The following CCDC81 variants were observed in gnomAD, a reference collection of about 807,000 sequenced individuals.
CCDC81 encodes the protein coiled-coil domain containing 81, also known as coiled-coil domain-containing protein 81.
In CCDC81, 79 loss-of-function variants were observed where a neutral mutation model predicts 83.7. The ratio of observed to expected loss-of-function variants is 0.94; its 90% CI spans 0.79 to 1.14. The LOEUF (loss-of-function observed/expected upper bound fraction) is 1.14. Ranked by LOEUF, CCDC81 falls within the 50% of genes most tolerant of loss-of-function variation. CCDC81 has a pLI of 0.00. For synonymous variants in CCDC81, 252 were observed against 278.1 expected (o/e 0.91, Z 0.93); for missense variants, 791 against 778.1 (o/e 1.02, Z -0.20).
At chr11:86,400,283 T>G (rs372266985) in intron 6 of CCDC81, among the ~76,000 whole-genome samples, 2 of 152,206 alleles carry the variant, frequency 1.3e-5, no homozygotes, top group South Asian at 4.1e-4. Context: ...AGCTCTCACT[T>G]TTTTGTTTGT....
At chr11:86,380,595 T>G (rs1293441028) in intron 1 of CCDC81, among the ~76,000 whole-genome samples, 1 of 152,210 alleles carries the variant, frequency 6.6e-6, no homozygotes, top group Non-Finnish European at 1.5e-5. Context: ...CTTCTGTAGT[T>G]GCCTCACAAT....
chr11:86,413,271 GC>G (rs1948671146), intron 11 of CCDC81, among the ~76,000 whole-genome samples: 1 of 146,168 alleles, frequency 6.8e-6, no homozygotes, highest in African/African-American at 2.5e-5. Context: ...TCGACGTCCA[GC>G]CGCTTGTGTG....
chr11:86,405,483 T>C (rs1948552276), intron 7 of CCDC81, among the ~76,000 whole-genome samples: 1 of 152,236 alleles, frequency 6.6e-6, no homozygotes, highest in Admixed American at 6.5e-5. Flanking sequence ...AACCTATCTT[T>C]ACTGTCTTAT....
chr11:86,394,404 G>A (rs1408356329), intron 4 of CCDC81, among the ~76,000 whole-genome samples: 3 of 152,230 alleles, frequency 2.0e-5, no homozygotes, highest in Non-Finnish European at 4.4e-5. Flanking sequence ...ACATCAGCAT[G>A]TTAAAGGAGC....
chr11:86,405,750 C>T (rs1011281453), intron 7 of CCDC81, among the ~76,000 whole-genome samples: 1 of 150,928 alleles, frequency 6.6e-6, no homozygotes, highest in Middle Eastern at 3.2e-3. Flanking sequence ...ACATGTTTTA[C>T]CAATTTCTTT....
chr11:86,397,172 A>G (rs944973072), intron 5 of CCDC81, among the ~76,000 whole-genome samples: 1 of 151,954 alleles, frequency 6.6e-6, no homozygotes, highest in Non-Finnish European at 1.5e-5. Flanking sequence ...GCCTGGGGAG[A>G]GAATGATGAA....
intron 11 of CCDC81, among the ~76,000 whole-genome samples, chr11:86,414,039 T>C (rs527281944): frequency 6.6e-6 from 1 of 152,362 alleles, no homozygotes; most frequent in African/African-American, 2.4e-5. Flanking sequence ...TGAAAGATCA[T>C]ATATGGGTTC....
At chr11:86,385,934 G>T in intron 1 of CCDC81, 117 bp from the exon 2 acceptor site, 1 of 425,022 alleles carries the variant, frequency 2.4e-6, no homozygotes, top group Non-Finnish European at 4.3e-6. Flanking sequence ...AATTAATCAG[G>T]AATTAATGTC....
intron 1 of CCDC81, among the ~76,000 whole-genome samples, chr11:86,382,642 G>A (rs775885537): frequency 1.3e-4 from 20 of 152,094 alleles, no homozygotes; most frequent in Non-Finnish European, 1.0e-4. Context: ...TAAACATTTG[G>A]GAATCATCCT....
chr11:86,395,814 G>A (rs932378564), intron 5 of CCDC81, among the ~76,000 whole-genome samples: 1 of 152,100 alleles, frequency 6.6e-6, no homozygotes, highest in African/African-American at 2.4e-5. Flanking sequence ...GTAGAGATGA[G>A]GTTTCACCAT....
intron 1 of CCDC81, among the ~76,000 whole-genome samples, chr11:86,379,938 A>T (rs1948154128): frequency 6.6e-6 from 1 of 152,092 alleles, no homozygotes; most frequent in Admixed American, 6.6e-5. Flanking sequence ...GTGAGCCAAG[A>T]CTGCACCGTT....
chr11:86,412,139 T>C (rs1948651252), intron 10 of CCDC81, among the ~76,000 whole-genome samples: 2 of 152,218 alleles, frequency 1.3e-5, no homozygotes, highest in Admixed American at 6.5e-5. Context: ...GTCTCAGTGA[T>C]TGGCTTTCTG....
Position 86,418,941 on chromosome 11 carries a change from T to C in CCDC81, c.1692-987T>C, listed in dbSNP as rs956990627. The C allele has an allele frequency of 3.9e-5, 6 of 152,200 alleles. 1 individual carries two copies. The highest frequency in any genetic ancestry group is 2.6e-4 in the Admixed American group (4 of 15,274). 9.4% of individuals were successfully genotyped at this position (152,200 alleles called of 1,614,324 possible). Reference sequence around the variant, plus strand: ...AAAAGTAATAGGTACTCTTCAGTCATTGAGCTCCAGTTACATGATAGGCAC... The same window carrying C: ...AAAAGTAATAGGTACTCTTCAGTCACTGAGCTCCAGTTACATGATAGGCAC... On this transcript the variant is annotated intron_variant, in intron 13 of 14. Coordinates refer to ENST00000445632, the MANE Select transcript of CCDC81 (RefSeq NM_001156474.2).
chr11:86,392,555 G>A lies in CCDC81; in HGVS notation c.313G>A (p.Val105Ile), dbSNP rs1403287205. 5 of 1,551,036 alleles carry A rather than the reference G, an allele frequency of 3.2e-6. No individual in the cohort carries two copies. The African/African-American group carries it at 6.8e-5, about 21-fold the overall frequency. ...TTCTCCTTTAGGTGAAATCCCAATT[G>A]TTCCACTTAATTTTGTCATGATATC... is the stretch of plus-strand genomic sequence containing the variant. ...KVYTPGEIPIVPLNFVMISLE... is the reference protein window; with the variant it reads ...KVYTPGEIPIIPLNFVMISLE... The change falls in exon 4 of 15, where the codon GTT becomes ATT. Residue 105 changes from valine (V) to isoleucine (I), a missense_variant. By Grantham distance (29) the Val-to-Ile change is conservative. Coordinates refer to ENST00000445632, the MANE Select transcript of CCDC81 (RefSeq NM_001156474.2).
In CCDC81 at chr11:86,412,838, G is replaced by T. The variant is rs2138536666; in HGVS notation, c.1391+279G>T. Among the ~76,000 whole-genome samples, 3 of 152,296 alleles carry T rather than the reference G, an allele frequency of 2.0e-5. No homozygotes were observed. The South Asian group carries it at 6.2e-4, about 32-fold the overall frequency. On this transcript the variant is annotated intron_variant, in intron 11 of 14. Transcript: ENST00000445632. The stretch of plus-strand genomic sequence containing the variant: ...GCTGTGGGGCTCTGGCCACACGGCA[G>T]TATCTAGGGGTGAATGTTTACAGCT...
chr11:86,378,412 T>C (rs769679925), intron 1 of CCDC81, among the ~76,000 whole-genome samples: 35 of 152,310 alleles, frequency 2.3e-4, no homozygotes, highest in South Asian at 1.0e-3. Context: ...TGGTGAATGT[T>C]CCATGTGAGC....
rs962923667 is a variant in CCDC81 at position 86,408,255 on chromosome 11, T to G, written c.1098T>G (p.Ala366=). The change falls in exon 9 of 15, where the codon GCT becomes GCG. Residue 366 remains alanine (A), a synonymous_variant. Coordinates refer to ENST00000445632, the MANE Select transcript of CCDC81 (RefSeq NM_001156474.2). ...QQYQMLKDQE[A]LFRHQMKSLA... The stretch of plus-strand genomic sequence containing the variant: ...ATCAGATGTTAAAGGATCAGGAGGC[T>G]CTCTTCAGACACCAGGTAGTCCAAC... The G allele has an allele frequency of 6.2e-7, 1 of 1,612,540 alleles. No individual in the cohort carries two copies. Among genetic ancestry groups the G allele is most frequent in the Non-Finnish European group, 8.5e-7 (1 of 1,179,526 alleles).
intron 10 of CCDC81, among the ~76,000 whole-genome samples, chr11:86,411,875 C>T (rs1483451612): frequency 6.6e-6 from 1 of 152,176 alleles, no homozygotes; most frequent in Non-Finnish European, 1.5e-5. Context: ...AAAAGAACCA[C>T]TAGGCCTTCC....
At chr11:86,396,822 A>T (rs913062887) in intron 5 of CCDC81, among the ~76,000 whole-genome samples, 1 of 152,178 alleles carries the variant, frequency 6.6e-6, no homozygotes. Context: ...TTTTATTTTG[A>T]TGGTTTCGGA....
Sources: allele counts gnomAD v4.1 joint callset (sites outside exome capture counted in the v4.1 genomes callset), GRCh38; gene constraint gnomAD v4.1.1; transcripts MANE v1.5; gene names NCBI Gene and HGNC (gene_info 2026-07-23, HGNC 2026-07-21).